The following SLC22A9 variants were observed in gnomAD, a reference collection of about 807,000 sequenced individuals.
SLC22A9 encodes organic anion transporter 7.
SLC22A9 carries 64 observed loss-of-function variants against 50.1 expected under a neutral mutation model. The ratio of observed to expected loss-of-function variants is 1.28; its 90% CI spans 1.04 to 1.57. SLC22A9 has a LOEUF of 1.57. Ranked by LOEUF, SLC22A9 falls within the 40% of genes most tolerant of loss-of-function variation. The pLI is 0.00. For synonymous variants in SLC22A9, 261 were observed against 242.5 expected (o/e 1.08, Z -0.71); for missense variants, 757 against 676.1 (o/e 1.12, Z -1.33).
rs35546649 is a variant in SLC22A9, at chr11:63,388,720, A to ATTT, written c.1073+6451_1073+6453dup. Reference sequence around the variant, plus strand: ...GTTTGGAAGTATTCCCTCCACCTGTATTTTTTTTTTGAATAATATGATAAA... The same window carrying ATTT: ...GTTTGGAAGTATTCCCTCCACCTGTATTTTTTTTTTTTTGAATAATATGATAAA... On this transcript the variant is annotated intron_variant, in intron 6 of 9. Transcript: ENST00000279178. Among the ~76,000 whole-genome samples the ATTT allele has an allele frequency of 5.5e-3, 817 of 149,722 alleles. 5 individuals are homozygous for ATTT. The highest frequency in any genetic ancestry group is 0.019 in the African/African-American group (784 of 40,874).
chr11:63,381,676 C>T (rs60925039), intron 5 of SLC22A9, among the ~76,000 whole-genome samples: 1 of 152,120 alleles, frequency 6.6e-6, no homozygotes, highest in East Asian at 1.9e-4. Context: ...CCTTCCCCAA[C>T]CTTCAGTATT....
At chr11:63,401,217 T>G (rs2014947411) in intron 6 of SLC22A9, among the ~76,000 whole-genome samples, 1 of 152,068 alleles carries the variant, frequency 6.6e-6, no homozygotes, top group African/African-American at 2.4e-5. Flanking sequence ...CAAAATGTCC[T>G]CATTTGCATA....
At chr11:63,374,124 A>C (rs1254072845) in intron 4 of SLC22A9, 62 bp downstream of exon 4, 1 of 1,458,942 alleles carries the variant, frequency 6.9e-7, no homozygotes, top group African/African-American at 1.4e-5. Flanking sequence ...ATGTGGAACT[A>C]GGACACCTGA....
intron 6 of SLC22A9, among the ~76,000 whole-genome samples, chr11:63,385,113 T>TTTTTTGTTGTTGTTGTTG (rs2014640559): frequency 7.2e-6 from 1 of 139,208 alleles, no homozygotes; most frequent in African/African-American, 2.5e-5. Flanking sequence ...ACAGTTTTTT[T>TTTTTTGTTGTTGTTGTTG]TTTTTTTTTT....
intron 6 of SLC22A9, among the ~76,000 whole-genome samples, chr11:63,400,998 T>C (rs2014942995): frequency 6.6e-6 from 1 of 151,904 alleles, no homozygotes; most frequent in Admixed American, 6.6e-5. Flanking sequence ...AAAAGGAAAA[T>C]ACCTCAAAAC....
intron 6 of SLC22A9, among the ~76,000 whole-genome samples, chr11:63,391,237 C>T (rs2014758321): frequency 6.6e-6 from 1 of 152,014 alleles, no homozygotes; most frequent in Non-Finnish European, 1.5e-5. Flanking sequence ...TGTGGCTTAA[C>T]ATATGGTCTA....
At chr11:63,400,274 GA>G (rs2014931165) in intron 6 of SLC22A9, among the ~76,000 whole-genome samples, 1 of 151,390 alleles carries the variant, frequency 6.6e-6, no homozygotes, top group African/African-American at 2.4e-5. Context: ...TGCAAACTAA[GA>G]AAAAAATAGA....
chr11:63,373,246 T>A (rs117747972), intron 2 of SLC22A9, among the ~76,000 whole-genome samples: 3,299 of 151,580 alleles, frequency 0.022, 56 homozygotes, highest in Middle Eastern at 0.075. Context: ...GACTTCTACA[T>A]CTAGATTTAG....
intron 6 of SLC22A9, among the ~76,000 whole-genome samples, chr11:63,388,331 G>T (rs140302757): frequency 8.6e-4 from 130 of 151,044 alleles, no homozygotes; most frequent in Non-Finnish European, 1.6e-3. Context: ...ATCATGTTGA[G>T]GTATGTTCTT....
chr11:63,382,816 A>T (rs2014589638), intron 6 of SLC22A9, among the ~76,000 whole-genome samples: 1 of 152,186 alleles, frequency 6.6e-6, no homozygotes, highest in Non-Finnish European at 1.5e-5. Context: ...TCCAAAATAG[A>T]GGTAAGATGT....
At chr11:63,382,121 G>A in intron 5 of SLC22A9, 38 bp from the exon 6 acceptor site, 1 of 1,531,472 alleles carries the variant, frequency 6.5e-7, no homozygotes, top group Non-Finnish European at 8.9e-7. Context: ...ACTCTTTTCT[G>A]ACAACTGTAC....
intron 6 of SLC22A9, among the ~76,000 whole-genome samples, chr11:63,391,820 T>TA (rs145660628): frequency 4.0e-5 from 6 of 150,528 alleles, no homozygotes; most frequent in African/African-American, 7.2e-5. Flanking sequence ...TTATTGATTT[T>TA]AAAAAAAAGA....
chr11:63,396,348 A>G (rs1475418454), intron 6 of SLC22A9, among the ~76,000 whole-genome samples: 1 of 152,196 alleles, frequency 6.6e-6, no homozygotes, highest in African/African-American at 2.4e-5. Flanking sequence ...ATGGGGGCCT[A>G]GCAAGCTCCC....
At chr11:63,406,994 A>G (rs1408244326) in intron 7 of SLC22A9, among the ~76,000 whole-genome samples, 1 of 152,164 alleles carries the variant, frequency 6.6e-6, no homozygotes, top group African/African-American at 2.4e-5. Context: ...AACAGCAATC[A>G]ATTACTTACT....
At chr11:63,403,425 G>C (rs995074118) in intron 6 of SLC22A9, among the ~76,000 whole-genome samples, 1 of 152,044 alleles carries the variant, frequency 6.6e-6, no homozygotes, top group African/African-American at 2.4e-5. Flanking sequence ...AACAAAAGTT[G>C]AGTGAGTCTG....
chr11:63,389,633 G>A (rs887641403), intron 6 of SLC22A9, among the ~76,000 whole-genome samples: 23 of 152,020 alleles, frequency 1.5e-4, no homozygotes, highest in African/African-American at 3.6e-4. Flanking sequence ...ATAGTGCTGC[G>A]ATAAACATAC....
intron 6 of SLC22A9, among the ~76,000 whole-genome samples, chr11:63,392,671 G>T (rs2014784578): frequency 6.6e-6 from 1 of 151,820 alleles, no homozygotes; most frequent in Admixed American, 6.6e-5. Flanking sequence ...TTGGCTTTTG[G>T]GAGTCTGACT....
intron 6 of SLC22A9, among the ~76,000 whole-genome samples, chr11:63,390,455 T>C (rs1192466634): frequency 6.6e-6 from 1 of 152,206 alleles, no homozygotes; most frequent in East Asian, 1.9e-4. Flanking sequence ...TTGCTTGTTT[T>C]TGCCAGGTTT....
Position 63,388,720 on chromosome 11 carries a change from ATT to A in SLC22A9, c.1073+6452_1073+6453del, listed in dbSNP as rs35546649. Among the ~76,000 whole-genome samples, 116 of 149,732 alleles carry A rather than the reference ATT, an allele frequency of 7.7e-4. 2 individuals are homozygous for A. The highest frequency in any genetic ancestry group is 5.3e-3 in the South Asian group (25 of 4,726). ...GTTTGGAAGTATTCCCTCCACCTGTATTTTTTTTTTGAATAATATGATAAAAA... is the reference window on the plus strand; with the variant it reads ...GTTTGGAAGTATTCCCTCCACCTGTATTTTTTTTGAATAATATGATAAAAA... On this transcript the variant is annotated intron_variant, in intron 6 of 9. Coordinates refer to ENST00000279178, the MANE Select transcript of SLC22A9 (RefSeq NM_080866.3).
Sources: gnomAD v4.1 joint callset for allele counts (sites outside exome capture counted in the v4.1 genomes callset) on GRCh38, gnomAD v4.1.1 for gene constraint, MANE v1.5 for transcripts, NCBI Gene and HGNC (gene_info 2026-07-23, HGNC 2026-07-21) for gene names.